Variants in MICAL3 observed in about 807,000 individuals in gnomAD.
MICAL3 encodes microtubule associated monooxygenase, calponin and LIM domain containing 3, also known as [F-actin]-monooxygenase MICAL3.
A neutral mutation model predicts 207.4 loss-of-function variants in MICAL3; 62 were observed. The observed-to-expected ratio is 0.30, with a 90% CI of 0.24 to 0.37. MICAL3 has a LOEUF of 0.37. Ranked by LOEUF, MICAL3 falls within the 10% of genes least tolerant of loss-of-function variation. The pLI is 1.00. For missense variants in MICAL3, 2,368 were observed against 2,635.6 expected (o/e 0.90, Z 2.22); for synonymous variants, 1,077 against 1,069.3 (o/e 1.01, Z -0.14).
chr22:18,004,815 T>C (rs1242616888), intron 1 of MICAL3: 1 of 152,234 alleles, frequency 6.6e-6, no homozygotes, highest in African/African-American at 2.4e-5. Flanking sequence ...AGGTCTGACA[T>C]CTAGTGCCCC....
At position 17,982,716 on chromosome 22, in the gene MICAL3, AAACAT is replaced by A. The variant is rs766998118; in HGVS notation, c.-75+41560_-75+41564del. Among the ~76,000 whole-genome samples, 630 of 90,528 alleles carry A rather than the reference AAACAT, an allele frequency of 7.0e-3. 6 individuals are homozygous for A. The highest frequency in any genetic ancestry group is 0.02 in the African/African-American group (475 of 24,216). 59.4% of individuals were successfully genotyped at this position (90,528 alleles called of 152,430 possible). A position where few individuals can be genotyped will look rare whatever the true frequency, so the allele number is the denominator to read the frequency against. On this transcript the variant is annotated intron_variant, in intron 1 of 31. Transcript: ENST00000441493. ...ATAACATAACATAACATAACATAAC[AAACAT>A]AACATAACATAAAAATAAAATAAAA...
At chr22:17,923,179 C>T (rs2146301438) in intron 1 of MICAL3, among the ~76,000 whole-genome samples, 1 of 152,264 alleles carries the variant, frequency 6.6e-6, no homozygotes, top group East Asian at 1.9e-4. Flanking sequence ...CTGCAAATTC[C>T]CCAAGCTACA....
rs117846605 is a variant in MICAL3 at position 17,796,046 on chromosome 22, G to A, written c.5651-4745C>T. 6.6e-6 allele frequency among the ~76,000 whole-genome samples: 1 copy of A among 152,276 alleles called. No individual in the cohort carries two copies. The highest frequency in any genetic ancestry group is 1.9e-4 in the East Asian group (1 of 5,184). On this transcript the variant is annotated intron_variant, in intron 29 of 31. Coordinates refer to ENST00000441493, the MANE Select transcript of MICAL3 (RefSeq NM_015241.3). The surrounding 1 kb of genome is among the most constrained non-coding windows in gnomAD (Gnocchi z 4.4). ...GTTTTTCTCAACATCAGGGTAACGGGTTTCCATCTGTTGCTAACAGGTGCT... is the reference window on the plus strand; with the variant it reads ...GTTTTTCTCAACATCAGGGTAACGGATTTCCATCTGTTGCTAACAGGTGCT...
At chr22:17,831,178 T>C (rs928919641) in intron 21 of MICAL3, among the ~76,000 whole-genome samples, 1 of 152,160 alleles carries the variant, frequency 6.6e-6, no homozygotes, top group Non-Finnish European at 1.5e-5. Flanking sequence ...TGGCTCCGTC[T>C]TCACCACCCC....
chr22:17,891,635 A>G lies in MICAL3; in HGVS notation c.1547-3T>C. ...TTTGCTTGAACGAGCTACAGACTCT[A>G]AAACAACAAAACACAGTATTATTGG... On this transcript the variant is annotated splice_polypyrimidine_tract_variant and splice_region_variant and intron_variant, in intron 11 of 31. Transcript: ENST00000441493. 1 of 1,613,594 alleles carries G rather than the reference A, an allele frequency of 6.2e-7. No individual in the cohort carries two copies.
Position 17,875,417 on chromosome 22 carries a change from A to C in MICAL3, c.2242-3394T>G. On this transcript the variant is annotated intron_variant, in intron 16 of 31. Coordinates refer to ENST00000441493, the MANE Select transcript of MICAL3 (RefSeq NM_015241.3). ...GACGTGAGTGGAGGCTGCGGAGGGCAGAGTTTTAGTGAGTCCTAGGCCATG... is the reference window on the plus strand; with the variant it reads ...GACGTGAGTGGAGGCTGCGGAGGGCCGAGTTTTAGTGAGTCCTAGGCCATG... 2.2e-6 allele frequency: 3 copies of C among 1,388,120 alleles called. No individual in the cohort carries two copies. The African/African-American group carries it at 4.4e-5, about 21-fold the overall frequency. 86.0% of individuals were successfully genotyped at this position (1,388,120 alleles called of 1,614,324 possible).
In MICAL3 at chr22:17,817,562, G is replaced by A. The variant is rs757330752; in HGVS notation, c.5099C>T (p.Ser1700Leu). 1.2e-5 allele frequency: 19 copies of A among 1,613,176 alleles called. No individual in the cohort carries two copies. Among genetic ancestry groups the A allele is most frequent in the Admixed American group, 3.3e-5 (2 of 59,962 alleles). The change falls in exon 26 of 32, where the codon TCG becomes TTG. Residue 1700 changes from serine (S) to leucine (L), a missense_variant. This residue lies in a region of MICAL3 where 1,770 missense variants were observed against 1,863.2 expected (regional missense o/e 0.95). Coordinates refer to ENST00000441493, the MANE Select transcript of MICAL3 (RefSeq NM_015241.3). Reference protein sequence around the residue: ...EGSSGKSKKRSSLFSPRRNKK... With the variant: ...EGSSGKSKKRLSLFSPRRNKK... Reference sequence around the variant, plus strand: ...GTTTCTGCGGGGGGAGAAGAGTGACGACCTCTTCTTGCTCTTCCCACTGGA... The same window carrying A: ...GTTTCTGCGGGGGGAGAAGAGTGACAACCTCTTCTTGCTCTTCCCACTGGA...
At position 17,826,673 on chromosome 22, in the gene MICAL3, T is replaced by C. The variant is rs115625252; in HGVS notation, c.3193+971A>G. On this transcript the variant is annotated intron_variant, in intron 22 of 31. Transcript: ENST00000441493. ...CACCAACAAGGGGTGCGAGCCCTGATGTTAGCCTGTGTGATGGAGAATCAG... is the reference window on the plus strand; with the variant it reads ...CACCAACAAGGGGTGCGAGCCCTGACGTTAGCCTGTGTGATGGAGAATCAG... 3.2e-3 allele frequency among the ~76,000 whole-genome samples: 485 copies of C among 152,070 alleles called. 3 individuals are homozygous for C. The highest frequency in any genetic ancestry group is 0.011 in the African/African-American group (459 of 41,496).
chr22:18,023,950 C>A (rs1431132097), intron 1 of MICAL3, among the ~76,000 whole-genome samples: 2 of 152,218 alleles, frequency 1.3e-5, no homozygotes, highest in Non-Finnish European at 2.9e-5. Context: ...CCTTTGCCTG[C>A]GGGATAGAAG....
chr22:17,838,158 T>C (rs1211693077), intron 20 of MICAL3, among the ~76,000 whole-genome samples: 1 of 152,234 alleles, frequency 6.6e-6, no homozygotes, highest in African/African-American at 2.4e-5. Flanking sequence ...CAGAGAAATT[T>C]AGAAACATTA....
Position 17,818,741 on chromosome 22 carries a change from C to G in MICAL3, c.3920G>C (p.Arg1307Thr). Residue 1307 changes from arginine (R) to threonine (T), a missense_variant, in exon 26 of 32, where the codon AGA becomes ACA. Transcript: ENST00000441493. ...ATCCACAGCAAGGGGGCTGCCCAGT[C>G]TGTCCTTGGTGTCACTTTGGCTTTG... ...PVQSQSDTKD[R>T]LGSPLAVDEA... The G allele has an allele frequency of 6.2e-7, 1 of 1,607,146 alleles. No individual in the cohort carries two copies. The highest frequency in any genetic ancestry group is 1.7e-4 in the Middle Eastern group (1 of 6,036).
At chr22:17,860,231 C>G (rs1926366930) in intron 19 of MICAL3, 45 of 984,226 alleles carry the variant, frequency 4.6e-5, no homozygotes, top group Admixed American at 6.2e-5. Context: ...AGCACGACAA[C>G]TTGGTTTCAC....
chr22:17,875,694 A>AAAG, intron 16 of MICAL3: 1 of 470,582 alleles, frequency 2.1e-6, no homozygotes, highest in Non-Finnish European at 3.6e-6. Context: ...AAAAAAAAAA[A>AAAG]AAAAAAAAAG....
chr22:17,877,414 T>G (rs1362198390), intron 16 of MICAL3, among the ~76,000 whole-genome samples: 17 of 88,398 alleles, frequency 1.9e-4, no homozygotes, highest in East Asian at 3.1e-4. Flanking sequence ...AGGGAAGTTA[T>G]GGAGGTTAGG....
intron 22 of MICAL3, among the ~76,000 whole-genome samples, chr22:17,826,807 A>T (rs545030658): frequency 4.6e-5 from 7 of 152,346 alleles, no homozygotes; most frequent in Non-Finnish European, 7.3e-5. Context: ...TCATGGTGCC[A>T]CCACAAGCCG....
At chr22:17,820,960 T>A (rs1921560068) in intron 25 of MICAL3, among the ~76,000 whole-genome samples, 1 of 143,022 alleles carries the variant, frequency 7.0e-6, no homozygotes, top group Non-Finnish European at 1.5e-5. Flanking sequence ...ACATAAATTT[T>A]AATAAATTTA....
intron 16 of MICAL3, chr22:17,872,635 A>G (rs1415742929): frequency 2.8e-6 from 2 of 703,042 alleles, no homozygotes; most frequent in Admixed American, 4.8e-5. Context: ...CCTCAAAAGC[A>G]ATTACCGCAT....
intron 16 of MICAL3, among the ~76,000 whole-genome samples, chr22:17,874,584 C>T (rs1375936774): frequency 1.3e-5 from 2 of 152,238 alleles, no homozygotes; most frequent in Non-Finnish European, 2.9e-5. Flanking sequence ...GCAACACTGA[C>T]AAGCATCCCT....
chr22:17,879,077 G>A (rs1929168514), intron 16 of MICAL3, among the ~76,000 whole-genome samples: 1 of 152,198 alleles, frequency 6.6e-6, no homozygotes, highest in Non-Finnish European at 1.5e-5. Flanking sequence ...GGGCAGAAAT[G>A]GGAAGTCATT....
Sources: gnomAD v4.1 joint callset for allele counts (sites outside exome capture counted in the v4.1 genomes callset) on GRCh38, gnomAD v4.1.1 for gene constraint, gnomAD v4.1.1 regional missense constraint, Gnocchi (gnomAD v3.1) non-coding constraint, MANE v1.5 for transcripts, NCBI Gene and HGNC (gene_info 2026-07-23, HGNC 2026-07-21) for gene names.